The following ARHGAP19 variants were observed in gnomAD, a reference collection of about 807,000 sequenced individuals.
ARHGAP19 encodes the protein rho GTPase-activating protein 19.
ARHGAP19 carries 48 observed loss-of-function variants against 60.9 expected under a neutral mutation model. The ratio of observed to expected loss-of-function variants is 0.79; its 90% CI spans 0.62 to 1.00. The LOEUF (loss-of-function observed/expected upper bound fraction) is 1.00. ARHGAP19 is among the 50% of genes least tolerant of loss of function. The pLI is 0.00. For missense variants in ARHGAP19, 562 were observed against 597.2 expected, an observed-to-expected ratio of 0.94 and a Z score of 0.61; for synonymous variants, 209 against 215.5, an observed-to-expected ratio of 0.97 and a Z score of 0.27.
intron 9 of ARHGAP19, among the ~76,000 whole-genome samples, chr10:97,233,488 A>T (rs1428871613): frequency 1.3e-5 from 2 of 152,230 alleles, no homozygotes; most frequent in Non-Finnish European, 2.9e-5. Flanking sequence ...AAAGCAGGGC[A>T]AAACACCAAA....
At chr10:97,237,185 A>C (rs1842393866) in intron 8 of ARHGAP19, among the ~76,000 whole-genome samples, 2 of 138,130 alleles carry the variant, frequency 1.4e-5, no homozygotes, top group South Asian at 2.7e-4. Context: ...GGATGGCTTG[A>C]ACCCAGGAGG....
intron 6 of ARHGAP19, among the ~76,000 whole-genome samples, chr10:97,251,397 GGGGA>G: frequency 5.5e-5 from 1 of 18,310 alleles, no homozygotes. Context: ...GGGAAGGGAA[GGGGA>G]AGGGAAGGGA....
intron 7 of ARHGAP19, among the ~76,000 whole-genome samples, chr10:97,245,403 A>C (rs2134842316): frequency 6.6e-6 from 1 of 152,102 alleles, no homozygotes; most frequent in African/African-American, 2.4e-5. Flanking sequence ...AGGCAGTCGG[A>C]CTACTTGAGC....
intron 6 of ARHGAP19, among the ~76,000 whole-genome samples, chr10:97,254,561 G>T (rs7895498): frequency 0.037 from 5,584 of 152,126 alleles, 176 homozygotes; most frequent in East Asian, 0.16. Context: ...ATAAACATAA[G>T]ACCTAAAACT....
intron 8 of ARHGAP19, among the ~76,000 whole-genome samples, chr10:97,241,935 A>C (rs894959622): frequency 3.3e-5 from 5 of 151,440 alleles, no homozygotes; most frequent in Non-Finnish European, 7.4e-5. Context: ...GCGTGAACCC[A>C]GGAGGCGGAG....
At chr10:97,257,282 C>CTTTTTTTTTTTTTTTTTTTTTTTTTT (rs34047177) in intron 5 of ARHGAP19, among the ~76,000 whole-genome samples, 1 of 81,620 alleles carries the variant, frequency 1.2e-5, no homozygotes, top group African/African-American at 4.2e-5. Context: ...CTTTTAAATA[C>CTTTTTTTTTTTTTTTTTTTTTTTTTT]TTTTTTTTTT....
chr10:97,239,010 A>G (rs1336249252), intron 8 of ARHGAP19, among the ~76,000 whole-genome samples: 1 of 152,234 alleles, frequency 6.6e-6, no homozygotes, highest in East Asian at 1.9e-4. Flanking sequence ...TACAGTACTC[A>G]GTACAGTAAC....
At chr10:97,254,491 A>T (rs1368779843) in intron 6 of ARHGAP19, among the ~76,000 whole-genome samples, 2 of 152,216 alleles carry the variant, frequency 1.3e-5, no homozygotes, top group Non-Finnish European at 2.9e-5. Flanking sequence ...ATGCAAAAGA[A>T]TGAGGTTGGA....
intron 4 of ARHGAP19, among the ~76,000 whole-genome samples, chr10:97,259,918 C>T (rs1842806809): frequency 6.6e-6 from 1 of 151,960 alleles, no homozygotes; most frequent in African/African-American, 2.4e-5. Flanking sequence ...TCATTGCAAC[C>T]TCCGCCTCCC....
At position 97,292,588 on chromosome 10, in the gene ARHGAP19, G is replaced by C; in HGVS notation, c.40C>G (p.Arg14Gly). 2 of 1,614,144 alleles carry C rather than the reference G, an allele frequency of 1.2e-6. No homozygotes were observed. Among genetic ancestry groups the C allele is most frequent in the Non-Finnish European group, 1.7e-6 (2 of 1,180,026 alleles). Reference sequence around the variant, plus strand: ...TCAGCTCACCTCCGGCCGGATTCGCGGGCTGGCACCTCCCCTTCACTCTGT... The same window carrying C: ...TCAGCTCACCTCCGGCCGGATTCGCCGGCTGGCACCTCCCCTTCACTCTGT... Reference protein sequence around the residue: ...EAQSEGEVPARESGRSDAICS... With the variant: ...EAQSEGEVPAGESGRSDAICS... The change falls in exon 1 of 12, where the codon CGC becomes GGC. Residue 14 changes from arginine (R) to glycine (G), a missense_variant. Physicochemically the swap from Arg to Gly is moderately radical, Grantham distance 125 (BLOSUM62 -2). Transcript: ENST00000358531.
intron 8 of ARHGAP19, among the ~76,000 whole-genome samples, chr10:97,236,519 A>T (rs1842380431): frequency 6.6e-6 from 1 of 152,178 alleles, no homozygotes; most frequent in South Asian, 2.1e-4. Flanking sequence ...TGGCAAGGGT[A>T]CAATAAGGTA....
intron 8 of ARHGAP19, among the ~76,000 whole-genome samples, chr10:97,236,335 T>G (rs554718876): frequency 1.3e-5 from 2 of 152,262 alleles, no homozygotes; most frequent in East Asian, 1.9e-4. Flanking sequence ...TTTGGGAATT[T>G]TACCAGTTCA....
At chr10:97,240,326 T>C (rs764969772) in intron 8 of ARHGAP19, among the ~76,000 whole-genome samples, 9 of 152,198 alleles carry the variant, frequency 5.9e-5, no homozygotes, top group Non-Finnish European at 1.0e-4. Flanking sequence ...GCAAATTATG[T>C]ATAAATTTGG....
chr10:97,292,502 C>T (rs1395631006), intron 1 of ARHGAP19, 70 bp downstream of exon 1: 3 of 1,576,990 alleles, frequency 1.9e-6, no homozygotes, highest in Non-Finnish European at 2.6e-6. Context: ...CTCCGTGACC[C>T]AAGGCAAAGG....
chr10:97,246,376 A>G, intron 6 of ARHGAP19, 39 bp from the exon 7 acceptor site: 1 of 1,490,114 alleles, frequency 6.7e-7, no homozygotes, highest in East Asian at 2.3e-5. Context: ...CCCAGTGATT[A>G]GTAGAATATA....
At chr10:97,266,157 A>T (rs762710354) in intron 1 of ARHGAP19, 32 bp from the exon 2 acceptor site, 7 of 1,609,272 alleles carry the variant, frequency 4.3e-6, no homozygotes, top group Non-Finnish European at 5.1e-6. Context: ...CTTTCGGGAC[A>T]TCATTTTTGT....
At chr10:97,265,254 C>T (rs756510821) in intron 2 of ARHGAP19, 20 of 191,852 alleles carry the variant, frequency 1.0e-4, no homozygotes, top group Non-Finnish European at 7.5e-5. Context: ...GTAATCCCAG[C>T]GCTTTGGGAG....
At chr10:97,263,701 T>A in intron 3 of ARHGAP19, 72 bp from the exon 4 acceptor site, 1 of 1,455,596 alleles carries the variant, frequency 6.9e-7, no homozygotes, top group East Asian at 2.3e-5. Flanking sequence ...ATAAATGGTC[T>A]AAAGACTACT....
chr10:97,269,175 CA>C (rs1169030116), intron 1 of ARHGAP19, among the ~76,000 whole-genome samples: 2 of 152,122 alleles, frequency 1.3e-5, no homozygotes, highest in Non-Finnish European at 1.5e-5. Context: ...AACTAATCTA[CA>C]AAGGACATTG....
Sources: gnomAD v4.1 joint callset for allele counts (sites outside exome capture counted in the v4.1 genomes callset) on GRCh38, gnomAD v4.1.1 for gene constraint, MANE v1.5 for transcripts, NCBI Gene and HGNC (gene_info 2026-07-23, HGNC 2026-07-21) for gene names.